The following CFAP58 variants were observed in gnomAD, a reference collection of about 807,000 sequenced individuals.
CFAP58 encodes cilia- and flagella-associated protein 58.
A neutral mutation model predicts 119.5 loss-of-function variants in CFAP58; 88 were observed. The ratio of observed to expected loss-of-function variants is 0.74; its 90% CI spans 0.62 to 0.88. The LOEUF is 0.88. Among genes scored for constraint, CFAP58 ranks in the 40% least tolerant of loss-of-function variants. CFAP58 has a pLI of 0.00. For missense variants in CFAP58, 990 were observed against 1,021.2 expected (o/e 0.97, Z 0.42); for synonymous variants, 365 against 366.3 (o/e 1.00, Z 0.04).
intron 15 of CFAP58, among the ~76,000 whole-genome samples, chr10:104,431,877 C>T (rs878979287): frequency 2.0e-5 from 3 of 152,060 alleles, no homozygotes; most frequent in Admixed American, 6.6e-5. Context: ...CCACACTCAA[C>T]GTTATATTTT....
intron 15 of CFAP58, among the ~76,000 whole-genome samples, chr10:104,420,093 G>T (rs1352146924): frequency 6.6e-6 from 1 of 150,394 alleles, no homozygotes; most frequent in Non-Finnish European, 1.5e-5. Context: ...TCTCCCTTAA[G>T]GGAGCAGACT....
At chr10:104,430,107 A>G (rs528414885) in intron 15 of CFAP58, among the ~76,000 whole-genome samples, 90 of 152,174 alleles carry the variant, frequency 5.9e-4, no homozygotes, top group Non-Finnish European at 9.4e-4. Flanking sequence ...ATGGTGAGGG[A>G]AGGGGGGTTT....
chr10:104,359,210 G>A (rs1480436119), intron 2 of CFAP58, among the ~76,000 whole-genome samples: 1 of 152,114 alleles, frequency 6.6e-6, no homozygotes, highest in Non-Finnish European at 1.5e-5. Flanking sequence ...TAAAATATAA[G>A]TGTTCCTTGT....
At chr10:104,397,715 G>A (rs551533401) in intron 11 of CFAP58, among the ~76,000 whole-genome samples, 13 of 152,270 alleles carry the variant, frequency 8.5e-5, no homozygotes, top group Middle Eastern at 3.4e-3. Context: ...TGTCATCTCC[G>A]TTGTGATTCC....
intron 1 of CFAP58, among the ~76,000 whole-genome samples, chr10:104,356,873 A>G (rs1261031061): frequency 2.6e-5 from 4 of 152,222 alleles, no homozygotes; most frequent in South Asian, 2.1e-4. Context: ...TTCCCAATCC[A>G]TCATAGAATT....
chr10:104,365,783 C>G, intron 4 of CFAP58, 31 bp from the exon 5 acceptor site: 2 of 1,574,490 alleles, frequency 1.3e-6, no homozygotes, highest in South Asian at 2.4e-5. Context: ...GGGCTCATCT[C>G]TTTCTCTCTT....
intron 17 of CFAP58, 40 bp from the exon 18 acceptor site, chr10:104,454,382 A>G: frequency 6.8e-7 from 1 of 1,476,302 alleles, no homozygotes. Context: ...TTAGACAAAA[A>G]GGATGTTAAG....
At chr10:104,397,243 G>A (rs1479495524) in intron 11 of CFAP58, among the ~76,000 whole-genome samples, 1 of 152,090 alleles carries the variant, frequency 6.6e-6, no homozygotes, top group African/African-American at 2.4e-5. Flanking sequence ...GAAACAGAAA[G>A]GCTGGTTCTT....
intron 5 of CFAP58, 97 bp from the exon 6 acceptor site, chr10:104,368,326 G>C (rs1303424443): frequency 1.7e-6 from 2 of 1,167,082 alleles, no homozygotes; most frequent in Non-Finnish European, 2.4e-6. Flanking sequence ...CAGGGTTGCT[G>C]TTATCTTCCC....
At position 104,357,823 on chromosome 10, in the gene CFAP58, A is replaced by G. The variant is rs552482864; in HGVS notation, c.10-518A>G. On this transcript the variant is annotated intron_variant, in intron 1 of 17. Transcript: ENST00000369704. ...TATACACACATATATATGTACATAT[A>G]TACACATATATGTACACATATGTAC... 5.4e-4 allele frequency among the ~76,000 whole-genome samples: 80 copies of G among 147,800 alleles called. 2 individuals carry two copies. Among genetic ancestry groups the G allele is most frequent in the African/African-American group, 1.6e-3 (62 of 39,754 alleles).
At chr10:104,418,008 T>C (rs1481080090) in intron 15 of CFAP58, among the ~76,000 whole-genome samples, 1 of 152,194 alleles carries the variant, frequency 6.6e-6, no homozygotes, top group Non-Finnish European at 1.5e-5. Flanking sequence ...ACTTAAGTGA[T>C]TAGAAAAAAA....
chr10:104,450,340 G>A, intron 17 of CFAP58, 136 bp downstream of exon 17: 2 of 901,240 alleles, frequency 2.2e-6, no homozygotes, highest in Non-Finnish European at 3.5e-6. Context: ...CATTCTACAG[G>A]TCACTAAGTT....
chr10:104,402,493 C>T (rs1323281739), intron 13 of CFAP58, among the ~76,000 whole-genome samples: 1 of 152,170 alleles, frequency 6.6e-6, no homozygotes, highest in Non-Finnish European at 1.5e-5. Flanking sequence ...ACCCCTGCAG[C>T]AGGCGAGGAC....
At chr10:104,338,683 G>T in the CFAP58 span, among the ~76,000 whole-genome samples, 229 of 152,238 alleles carry the variant, frequency 1.5e-3, 1 homozygote, top group African/African-American at 5.1e-3. Context: ...AAACTGGAGC[G>T]AGTGGACAGG....
intron 11 of CFAP58, among the ~76,000 whole-genome samples, chr10:104,398,429 C>G (rs2012202264): frequency 6.6e-6 from 1 of 152,192 alleles, no homozygotes; most frequent in Admixed American, 6.5e-5. Context: ...TAAATGGAGA[C>G]AGGAGTAGTT....
chr10:104,360,757 G>C (rs970204216), intron 2 of CFAP58, among the ~76,000 whole-genome samples: 47 of 152,236 alleles, frequency 3.1e-4, no homozygotes, highest in African/African-American at 9.4e-4. Context: ...TCCTGTGTTA[G>C]TTTGCTAAGG....
intron 15 of CFAP58, among the ~76,000 whole-genome samples, chr10:104,431,273 AG>A (rs2012843189): frequency 6.6e-6 from 1 of 152,252 alleles, no homozygotes; most frequent in African/African-American, 2.4e-5. Context: ...TATGTGACAA[AG>A]GCAATGTCTA....
At chr10:104,357,852 TATATACACATATATACAC>T (rs2014575076) in intron 1 of CFAP58, among the ~76,000 whole-genome samples, 1 of 43,992 alleles carries the variant, frequency 2.3e-5, no homozygotes, top group African/African-American at 8.7e-5. Flanking sequence ...TATGTACACA[TATATACACATATATACAC>T]ATATATGTAC....
chr10:104,353,932 C>T, intron 1 of CFAP58, 26 bp downstream of exon 1: 1 of 1,613,322 alleles, frequency 6.2e-7, no homozygotes, highest in Non-Finnish European at 8.5e-7. Flanking sequence ...CCCTCTGTCG[C>T]CTTTCCCTTG....
Sources: gnomAD v4.1 joint callset for allele counts (sites outside exome capture counted in the v4.1 genomes callset) on GRCh38, gnomAD v4.1.1 for gene constraint, MANE v1.5 for transcripts, NCBI Gene and HGNC (gene_info 2026-07-23, HGNC 2026-07-21) for gene names.